The following ALOX12B variants were observed in gnomAD, a reference collection of about 807,000 sequenced individuals.
ALOX12B encodes arachidonate 12-lipoxygenase, 12R type, also known as arachidonate 12-lipoxygenase, 12R-type.
In ALOX12B, 47 loss-of-function variants were observed where a neutral mutation model predicts 78.9. That is an observed-to-expected ratio of 0.60 (90% CI 0.47 to 0.76). The LOEUF (loss-of-function observed/expected upper bound fraction) is 0.76. Among genes scored for constraint, ALOX12B ranks in the 30% least tolerant of loss-of-function variants. The pLI is 0.00. For synonymous variants in ALOX12B, 370 were observed against 374.5 expected, an observed-to-expected ratio of 0.99 and a Z score of 0.14; for missense variants, 805 against 922.6, an observed-to-expected ratio of 0.87 and a Z score of 1.65.
rs781226888 is a variant in ALOX12B at position 8,079,815 on chromosome 17, A to G, written c.881T>C (p.Val294Ala). ...PDKFPVTDDM[V>A]APFLGEGTCL... ...CGTTCCCTCGCCCAGGAACGGAGCCACCATGTCGTCTGTGACGGGGAACTT... is the reference window on the plus strand; with the variant it reads ...CGTTCCCTCGCCCAGGAACGGAGCCGCCATGTCGTCTGTGACGGGGAACTT... The change falls in exon 7 of 15, where the codon GTG (valine) becomes GCG (alanine). Residue 294 changes from valine to alanine, a missense_variant. Coordinates refer to ENST00000647874, the MANE Select transcript of ALOX12B (RefSeq NM_001139.3). This position sits in a 1 kb window ranked among gnomAD's most constrained non-coding sequence, Gnocchi z 6.4. 2 of 1,613,436 alleles carry G rather than the reference A, an allele frequency of 1.2e-6. No individual in the cohort carries two copies. Among genetic ancestry groups the G allele is most frequent in the East Asian group, 4.5e-5 (2 of 44,854 alleles).
At chr17:8,076,393 C>T (rs530955346) in intron 10 of ALOX12B, 49 bp from the exon 11 acceptor site, 5 of 1,549,990 alleles carry the variant, frequency 3.2e-6, no homozygotes, top group African/African-American at 1.4e-5. Context: ...TCCCTGGAAC[C>T]CCTTCAGGTC....
At chr17:8,085,156 C>A (rs1978292867) in intron 2 of ALOX12B, among the ~76,000 whole-genome samples, 1 of 152,136 alleles carries the variant, frequency 6.6e-6, no homozygotes, top group Non-Finnish European at 1.5e-5. Flanking sequence ...AATAGGGAGT[C>A]CTTTGGAGCA....
chr17:8,073,912 A>G (rs945543267), intron 12 of ALOX12B, among the ~76,000 whole-genome samples, 155 bp from the exon 13 acceptor site: 4 of 152,090 alleles, frequency 2.6e-5, no homozygotes, highest in African/African-American at 9.7e-5. Context: ...CTCCTATGGC[A>G]GCAACCCCAT....
intron 12 of ALOX12B, among the ~76,000 whole-genome samples, chr17:8,074,633 A>G (rs1269953071): frequency 1.3e-5 from 2 of 152,174 alleles, no homozygotes; most frequent in Admixed American, 6.5e-5. Context: ...GTGCAGCCTG[A>G]TATTCTAGCA....
At chr17:8,077,341 C>T in intron 8 of ALOX12B, 148 bp from the exon 9 acceptor site, 1 of 742,828 alleles carries the variant, frequency 1.3e-6, no homozygotes, top group Non-Finnish European at 2.3e-6. Context: ...ACCCCTGGGC[C>T]TTTCCTCCCT....
At position 8,079,710 on chromosome 17, in the gene ALOX12B, G is replaced by T; in HGVS notation, c.927+59C>A. 1 of 1,572,540 alleles carries T rather than the reference G, an allele frequency of 6.4e-7. No individual in the cohort carries two copies. Among genetic ancestry groups the T allele is most frequent in the South Asian group, 1.2e-5 (1 of 86,856 alleles). On this transcript the variant is annotated intron_variant, in intron 7 of 14. Transcript: ENST00000647874. This position sits in a 1 kb window ranked among gnomAD's most constrained non-coding sequence, Gnocchi z 6.4. ...CGGGCGCCGGAGGTGGGGAGAGACG[G>T]GGATGCCCGCGAGGGAGGCCGGGAG...
At chr17:8,086,328 A>G in intron 1 of ALOX12B, 108 bp from the exon 2 acceptor site, 1 of 1,078,940 alleles carries the variant, frequency 9.3e-7, no homozygotes. Flanking sequence ...CGCAATGCTC[A>G]CCTCCCTGGA....
At chr17:8,082,592 C>T (rs529911107) in intron 2 of ALOX12B, among the ~76,000 whole-genome samples, 10 of 150,252 alleles carry the variant, frequency 6.7e-5, no homozygotes, top group African/African-American at 1.7e-4. Flanking sequence ...TCGTTTAAAC[C>T]GCTATTGCTA....
chr17:8,086,193 G>T lies in ALOX12B; in HGVS notation c.175C>A (p.Gln59Lys). The T allele has an allele frequency of 6.2e-7, 1 of 1,614,126 alleles. No homozygotes were observed. The highest frequency in any genetic ancestry group is 8.5e-7 in the Non-Finnish European group (1 of 1,180,004). ...ATGATGATGAGCTCACCCAGGTCCT[G>T]AGGGCACTGCACGGTGTACTGGCCC... ...AVGQYTVQCP[Q>K]DLGELIIIRL... The change falls in exon 2 of 15, where the codon CAG (glutamine) becomes AAG (lysine). Residue 59 changes from glutamine to lysine, a missense_variant. Transcript: ENST00000647874.
rs555773689 is a variant in ALOX12B at position 8,079,375 on chromosome 17, C to A, written c.1071+21G>T. 2 of 1,551,372 alleles carry A rather than the reference C, an allele frequency of 1.3e-6. No homozygotes were observed. The highest frequency in any genetic ancestry group is 2.7e-5 in the African/African-American group (2 of 73,316). ...CGCGCACACAGAGGCTCAGCGGCAG[C>A]GCCGCCTGCAGCCCAGGCACCTGGA... On this transcript the variant is annotated intron_variant, in intron 8 of 14. Transcript: ENST00000647874. This position sits in a 1 kb window ranked among gnomAD's most constrained non-coding sequence, Gnocchi z 6.4.
chr17:8,079,643 C>T lies in ALOX12B; in HGVS notation c.928-104G>A, dbSNP rs1977164025. ...CTGGCGACTAGGGGCAGGGGTGGGA[C>T]GGGGACAGGGACGCGGGGTGCGGGC... On this transcript the variant is annotated intron_variant, in intron 7 of 14. Transcript: ENST00000647874. This position sits in a 1 kb window ranked among gnomAD's most constrained non-coding sequence, Gnocchi z 6.4. 1.3e-6 allele frequency: 2 copies of T among 1,485,048 alleles called. No individual in the cohort carries two copies. The highest frequency in any genetic ancestry group is 1.8e-6 in the Non-Finnish European group (2 of 1,097,546). 92.0% of individuals were successfully genotyped at this position (1,485,048 alleles called of 1,614,324 possible).
At chr17:8,074,636 T>G (rs1977045219) in intron 12 of ALOX12B, among the ~76,000 whole-genome samples, 2 of 152,138 alleles carry the variant, frequency 1.3e-5, no homozygotes, top group Non-Finnish European at 2.9e-5. Flanking sequence ...CAGCCTGATA[T>G]TCTAGCATAC....
intron 2 of ALOX12B, among the ~76,000 whole-genome samples, chr17:8,085,129 T>C (rs1416555967): frequency 6.6e-6 from 1 of 152,118 alleles, no homozygotes; most frequent in East Asian, 1.9e-4. Flanking sequence ...TAGAGAAATA[T>C]GGTGTCCTGT....
intron 8 of ALOX12B, among the ~76,000 whole-genome samples, chr17:8,078,605 C>G (rs1977138839): frequency 6.6e-6 from 1 of 152,022 alleles, no homozygotes; most frequent in Non-Finnish European, 1.5e-5. Context: ...TGTGTACACG[C>G]AGCAGCAAGA....
At chr17:8,074,138 C>T (rs977313810) in intron 12 of ALOX12B, among the ~76,000 whole-genome samples, 1 of 152,136 alleles carries the variant, frequency 6.6e-6, no homozygotes, top group Non-Finnish European at 1.5e-5. Flanking sequence ...CCAGCGCCCC[C>T]TCTCCACTCC....
In ALOX12B at chr17:8,072,949, C is replaced by T. The variant is rs1366953758; in HGVS notation, c.1928G>A (p.Arg643Gln). 11 of 1,610,676 alleles carry T rather than the reference C, an allele frequency of 6.8e-6. No homozygotes were observed. The highest frequency in any genetic ancestry group is 1.3e-5 in the African/African-American group (1 of 74,968). Residue 643 changes from arginine (R) to glutamine (Q), a missense_variant and splice_region_variant, in exon 15 of 15, where the codon CGG (arginine) becomes CAG (glutamine). Physicochemically the swap from Arg to Gln is conservative, Grantham distance 43. Coordinates refer to ENST00000647874, the MANE Select transcript of ALOX12B (RefSeq NM_001139.3). ...AATGTCCGGGAAGTGTCCCAGGGGC[C>T]GCTGCGGGCAGAGAGCTCGACAGCT... ...WTLSREPDDRRPLGHFPDIHF... is the reference protein window; with the variant it reads ...WTLSREPDDRQPLGHFPDIHF...
chr17:8,075,701 G>A lies in ALOX12B; in HGVS notation c.1548C>T (p.Ile516=), dbSNP rs754501270. 1 of 1,614,042 alleles carries A rather than the reference G, an allele frequency of 6.2e-7. No homozygotes were observed. Among genetic ancestry groups the A allele is most frequent in the Non-Finnish European group, 8.5e-7 (1 of 1,180,050 alleles). ...CGTCACTCGGGTAATAATAGGTGATGATCTCCGTCACATACCTGACCAGGG... is the reference window on the plus strand; with the variant it reads ...CGTCACTCGGGTAATAATAGGTGATAATCTCCGTCACATACCTGACCAGGG... The part of the protein sequence containing the change: ...WNALEKYVTE[I]ITYYYPSDAA... Residue 516 remains isoleucine (I), a synonymous_variant, in exon 12 of 15, where the codon ATC becomes ATT. Transcript: ENST00000647874.
chr17:8,074,536 G>A (rs1307304642), intron 12 of ALOX12B, among the ~76,000 whole-genome samples: 3 of 152,006 alleles, frequency 2.0e-5, no homozygotes, highest in Middle Eastern at 3.4e-3. Flanking sequence ...ATTCTCTGTG[G>A]CATCCCCACA....
chr17:8,081,474 TG>T, intron 2 of ALOX12B: 1 of 491,200 alleles, frequency 2.0e-6, no homozygotes, highest in South Asian at 2.1e-5. Flanking sequence ...TATAAATTCA[TG>T]GAGTACAAGA....
Sources: gnomAD v4.1 joint callset for allele counts (sites outside exome capture counted in the v4.1 genomes callset) on GRCh38, gnomAD v4.1.1 for gene constraint, Gnocchi (gnomAD v3.1) non-coding constraint, MANE v1.5 for transcripts, NCBI Gene and HGNC (gene_info 2026-07-23, HGNC 2026-07-21) for gene names.